Variants in PDGFC observed in about 807,000 individuals in gnomAD.
PDGFC encodes the protein platelet-derived growth factor C.
Under a neutral mutation model 35.5 loss-of-function variants are expected in PDGFC, and 12 were observed. That is an observed-to-expected ratio of 0.34 (90% CI 0.22 to 0.55). The LOEUF (loss-of-function observed/expected upper bound fraction) is 0.55, where lower values mean the gene tolerates loss of function less well. Among genes scored for constraint, PDGFC ranks in the 20% least tolerant of loss-of-function variants. PDGFC has a pLI of 0.91. For synonymous variants in PDGFC, 159 were observed against 148.8 expected (o/e 1.07, Z -0.50); for missense variants, 322 against 412.4 (o/e 0.78, Z 1.90).
chr4:156,795,018 C>T (rs1280055905), intron 3 of PDGFC, among the ~76,000 whole-genome samples: 2 of 152,206 alleles, frequency 1.3e-5, no homozygotes, highest in Non-Finnish European at 2.9e-5. Context: ...AGCATACTGA[C>T]TGTTGACACT....
At chr4:156,920,894 T>C (rs1021221575) in intron 1 of PDGFC, among the ~76,000 whole-genome samples, 9 of 152,182 alleles carry the variant, frequency 5.9e-5, no homozygotes, top group Non-Finnish European at 8.8e-5. Flanking sequence ...TGGAGTGTAG[T>C]TGTTACAGAC....
intron 3 of PDGFC, among the ~76,000 whole-genome samples, chr4:156,773,267 T>G (rs1730736699): frequency 6.6e-6 from 1 of 152,174 alleles, no homozygotes; most frequent in Non-Finnish European, 1.5e-5. Context: ...AAAAATTACC[T>G]GGTAGTTATG....
chr4:156,825,587 T>TAAG (rs1390899557), intron 2 of PDGFC, among the ~76,000 whole-genome samples: 1,287 of 86,878 alleles, frequency 0.015, 6 homozygotes, highest in Non-Finnish European at 0.019. Flanking sequence ...ATAATAATAA[T>TAAG]AATAATAAGA....
Position 156,967,177 on chromosome 4 carries a change from G to A in PDGFC, c.118+3609C>T, listed in dbSNP as rs1468532526. Among the ~76,000 whole-genome samples, 5 of 152,080 alleles carry A rather than the reference G, an allele frequency of 3.3e-5. No individual in the cohort carries two copies. In the East Asian group the frequency reaches 5.8e-4, roughly 18 times the overall value. ...CTTGGACACTGTTCTAAATATTGTG[G>A]TTATCTGTTTTTGATAAAACAGAGA... is the stretch of plus-strand genomic sequence containing the variant. On this transcript the variant is annotated intron_variant, in intron 1 of 5. Transcript: ENST00000502773.
At chr4:156,872,157 G>C (rs1729999560) in intron 1 of PDGFC, among the ~76,000 whole-genome samples, 1 of 152,088 alleles carries the variant, frequency 6.6e-6, no homozygotes, top group African/African-American at 2.4e-5. Context: ...AACCATGACA[G>C]TCACAGCTGT....
intron 2 of PDGFC, among the ~76,000 whole-genome samples, chr4:156,842,539 C>G (rs188780720): frequency 1.3e-5 from 2 of 152,114 alleles, no homozygotes; most frequent in Admixed American, 6.5e-5. Context: ...TATCAGCATT[C>G]TCTTCCTAAA....
chr4:156,968,255 G>A (rs1021074935), intron 1 of PDGFC, among the ~76,000 whole-genome samples: 5 of 152,146 alleles, frequency 3.3e-5, no homozygotes, highest in Non-Finnish European at 7.4e-5. Flanking sequence ...AGGGGTCCTT[G>A]GAGACAAGAA....
chr4:156,776,563 C>A (rs528294893), intron 3 of PDGFC, among the ~76,000 whole-genome samples: 1 of 152,306 alleles, frequency 6.6e-6, no homozygotes, highest in East Asian at 1.9e-4. Flanking sequence ...AGCCTAGACC[C>A]TTTTAGGCCT....
intron 2 of PDGFC, among the ~76,000 whole-genome samples, chr4:156,832,618 T>C (rs1728971836): frequency 6.6e-6 from 1 of 152,182 alleles, no homozygotes; most frequent in South Asian, 2.1e-4. Context: ...AAACCATCAA[T>C]GGCCGTTATT....
chr4:156,937,681 A>G (rs1731716223), intron 1 of PDGFC, among the ~76,000 whole-genome samples: 1 of 152,200 alleles, frequency 6.6e-6, no homozygotes, highest in South Asian at 2.1e-4. Flanking sequence ...AACCTGGGCA[A>G]CAAAACAAAA....
intron 1 of PDGFC, among the ~76,000 whole-genome samples, chr4:156,956,145 T>C (rs561089342): frequency 1.3e-5 from 2 of 152,152 alleles, no homozygotes; most frequent in East Asian, 1.9e-4. Flanking sequence ...CTTTTGTGTA[T>C]TGGATTAAAT....
chr4:156,914,106 A>G (rs1188370664), intron 1 of PDGFC, among the ~76,000 whole-genome samples: 1 of 152,172 alleles, frequency 6.6e-6, no homozygotes, highest in African/African-American at 2.4e-5. Flanking sequence ...GATCTTCCAA[A>G]CATGTTTTCC....
chr4:156,814,112 C>A (rs1732015354), intron 2 of PDGFC, among the ~76,000 whole-genome samples: 1 of 134,002 alleles, frequency 7.5e-6, no homozygotes. Flanking sequence ...AAATCTCTAT[C>A]TACTTTCTAT....
At position 156,817,076 on chromosome 4, in the gene PDGFC, T is replaced by C. The variant is rs1007010309; in HGVS notation, c.315-6059A>G. On this transcript the variant is annotated intron_variant, in intron 2 of 5. Coordinates refer to ENST00000502773, the MANE Select transcript of PDGFC (RefSeq NM_016205.3). ...TGAATGGGTAATTCTCATGAAACCA[T>C]GAAGAGTTCTACTTGTGAGAAATGC... 3.9e-5 allele frequency among the ~76,000 whole-genome samples: 6 copies of C among 152,230 alleles called. No homozygotes were observed. The East Asian group carries it at 9.6e-4, about 24-fold the overall frequency.
At chr4:156,900,231 G>A (rs1027803339) in intron 1 of PDGFC, among the ~76,000 whole-genome samples, 6 of 151,982 alleles carry the variant, frequency 3.9e-5, no homozygotes, top group East Asian at 1.9e-4. Context: ...TCTTTTTCCC[G>A]AAATTCCTGA....
chr4:156,964,209 A>G (rs1732408549), intron 1 of PDGFC, among the ~76,000 whole-genome samples: 1 of 151,782 alleles, frequency 6.6e-6, no homozygotes, highest in South Asian at 2.1e-4. Flanking sequence ...GGAACCAAGC[A>G]TGCCAATGTC....
chr4:156,940,879 CCTCA>C (rs1202095372), intron 1 of PDGFC, among the ~76,000 whole-genome samples: 1 of 152,068 alleles, frequency 6.6e-6, no homozygotes, highest in Non-Finnish European at 1.5e-5. Context: ...ATACCACACT[CCTCA>C]CTAATTGTTT....
chr4:156,774,862 G>T (rs1192035767), intron 3 of PDGFC, among the ~76,000 whole-genome samples: 1 of 151,664 alleles, frequency 6.6e-6, no homozygotes, highest in Non-Finnish European at 1.5e-5. Flanking sequence ...TATATCTGAG[G>T]TTTATGACAT....
chr4:156,789,316 C>T (rs4388136), intron 3 of PDGFC, among the ~76,000 whole-genome samples: 34 of 152,268 alleles, frequency 2.2e-4, no homozygotes, highest in Non-Finnish European at 4.1e-4. Context: ...GCCTATAATT[C>T]TTCACTTGAA....
Sources: gnomAD v4.1 joint callset for allele counts (sites outside exome capture counted in the v4.1 genomes callset) on GRCh38, gnomAD v4.1.1 for gene constraint, MANE v1.5 for transcripts, NCBI Gene and HGNC (gene_info 2026-07-23, HGNC 2026-07-21) for gene names.